Variants in GALNT4 observed in about 807,000 individuals in gnomAD.
GALNT4 encodes the protein UDP-GalNAc:polypeptide N-acetylgalactosaminyltransferase 4.
In GALNT4, 23 loss-of-function variants were observed where a neutral mutation model predicts 45.1. The ratio of observed to expected loss-of-function variants is 0.51; its 90% CI spans 0.37 to 0.72. GALNT4 has a LOEUF of 0.72. GALNT4 is among the 30% of genes least tolerant of loss of function. The pLI, the probability that GALNT4 is intolerant of heterozygous loss-of-function variation, is 0.00. For missense variants in GALNT4, 757 were observed against 709.0 expected, an observed-to-expected ratio of 1.07 and a Z score of -0.77; for synonymous variants, 264 against 257.6, an observed-to-expected ratio of 1.02 and a Z score of -0.24.
rs1336719275 is a variant in GALNT4 at position 89,522,965 on chromosome 12, T to C, written c.1585A>G (p.Ile529Val). 1.4e-5 allele frequency: 23 copies of C among 1,613,964 alleles called. No individual in the cohort carries two copies. Among genetic ancestry groups the C allele is most frequent in the Non-Finnish European group, 1.9e-5 (23 of 1,179,920 alleles). ...PKDGFPVPAN[I>V]IWHFKEDGTI... ...CCATCTTCTTTAAAATGCCAAATAA[T>C]GTTTGCTGGTACAGGGAACCCATCT... The change falls in exon 1 of 1, where the codon ATT becomes GTT. Residue 529 changes from isoleucine to valine, a missense_variant. Physicochemically the swap from Ile to Val is conservative, Grantham distance 29 (BLOSUM62 3). Transcript: ENST00000529983.
At position 89,524,600 on chromosome 12, in the gene GALNT4, G is replaced by A; in HGVS notation, c.-51C>T. 3.1e-6 allele frequency: 5 copies of A among 1,591,338 alleles called. No homozygotes were observed. The highest frequency in any genetic ancestry group is 4.3e-6 in the Non-Finnish European group (5 of 1,166,380). ...ACGCGGCCACCAAGCCACCACGCAG[G>A]GGAAGGGCGGCGGAACCCACAGCTC... On this transcript the variant is annotated 5_prime_UTR_variant, in exon 1 of 1. Coordinates refer to ENST00000529983, the MANE Select transcript of GALNT4 (RefSeq NM_003774.5).
At position 89,524,740 on chromosome 12, in the gene GALNT4, A is replaced by T; in HGVS notation, c.-191T>A. ...CCTCTCGGTCCTCGGCCTCCGGCAC[A>T]GCCCAACTCCTCTCTCCCTACTTCC... On this transcript the variant is annotated 5_prime_UTR_variant, in exon 1 of 1. Transcript: ENST00000529983. 1.5e-6 allele frequency: 1 copy of T among 653,700 alleles called. No individual in the cohort carries two copies. The highest frequency in any genetic ancestry group is 2.7e-5 in the East Asian group (1 of 36,698). The allele number at this position is 653,700 out of a possible 1,614,324, so 40.5% of individuals were successfully genotyped here.
At position 89,521,108 on chromosome 12, in the gene GALNT4, TA is replaced by T. The variant is rs1403219062; in HGVS notation, c.*1704del. On this transcript the variant is annotated 3_prime_UTR_variant, in exon 1 of 1. Coordinates refer to ENST00000529983, the MANE Select transcript of GALNT4 (RefSeq NM_003774.5). ...GAGTTCAGCTCACTTATTTTATTATTATTTTTTTTTTTTGAGACAGAGTCTT... is the reference window on the plus strand; with the variant it reads ...GAGTTCAGCTCACTTATTTTATTATTTTTTTTTTTTTTGAGACAGAGTCTT... 49 of 134,634 alleles carry T rather than the reference TA, an allele frequency of 3.6e-4. 3 individuals carry two copies. The highest frequency in any genetic ancestry group is 4.4e-4 in the Admixed American group (6 of 13,694). 8.3% of individuals were successfully genotyped at this position (134,634 alleles called of 1,614,324 possible).
Position 89,523,662 on chromosome 12 carries a change from C to A in GALNT4, c.888G>T (p.Arg296Ser), listed in dbSNP as rs1269593512. Reference protein sequence around the residue: ...WHSVPKQERDRRISRIDPIRS... With the variant: ...WHSVPKQERDSRISRIDPIRS... ...TGATGGGGTCAATTCTTGATATCCGCCTGTCCCTTTCCTGTTTGGGGACAG... is the reference window on the plus strand; with the variant it reads ...TGATGGGGTCAATTCTTGATATCCGACTGTCCCTTTCCTGTTTGGGGACAG... Residue 296 changes from arginine (R) to serine (S), a missense_variant, in exon 1 of 1, where the codon AGG (arginine) becomes AGT (serine). Physicochemically the swap from Arg to Ser is moderately radical, Grantham distance 110 (BLOSUM62 -1). Coordinates refer to ENST00000529983, the MANE Select transcript of GALNT4 (RefSeq NM_003774.5). 5 of 1,538,178 alleles carry A rather than the reference C, an allele frequency of 3.3e-6. No homozygotes were observed. The highest frequency in any genetic ancestry group is 3.5e-6 in the Non-Finnish European group (4 of 1,148,854).
In GALNT4 at chr12:89,524,121, G is replaced by T. The variant is rs776184827; in HGVS notation, c.429C>A (p.Phe143Leu). The T allele has an allele frequency of 1.9e-6, 3 of 1,613,894 alleles. No homozygotes were observed. In the East Asian group the frequency reaches 6.7e-5, roughly 36 times the overall value. The change falls in exon 1 of 1, where the codon TTC (phenylalanine) becomes TTA (leucine). Residue 143 changes from phenylalanine (F) to leucine (L), a missense_variant. Coordinates refer to ENST00000529983, the MANE Select transcript of GALNT4 (RefSeq NM_003774.5). ...GCAAAGTCGACCAGGCTTCGTTATA[G>T]AAAGCAATGATAACAGAGGTGGTAG... ...TLPTTSVIIA[F>L]YNEAWSTLLR...
Position 89,523,796 on chromosome 12 carries a change from C to T in GALNT4, c.754G>A (p.Val252Met). The change falls in exon 1 of 1, where the codon GTG (valine) becomes ATG (methionine). Residue 252 changes from valine to methionine, a missense_variant. Coordinates refer to ENST00000529983, the MANE Select transcript of GALNT4 (RefSeq NM_003774.5). ...ERIGRDETAV[V>M]CPVIDTIDWN... ...TCAATTGTGTCTATAACAGGACACA[C>T]AACTGCTGTTTCATCTCTCCCAATC... The T allele has an allele frequency of 1.3e-6, 2 of 1,535,232 alleles. No homozygotes were observed. The highest frequency in any genetic ancestry group is 2.2e-5 in the Admixed American group (1 of 45,796).
Position 89,523,668 on chromosome 12 carries a change from C to T in GALNT4, c.882G>A (p.Arg294=). The T allele has an allele frequency of 6.5e-7, 1 of 1,538,170 alleles. No individual in the cohort carries two copies. The highest frequency in any genetic ancestry group is 8.7e-7 in the Non-Finnish European group (1 of 1,148,834). The change falls in exon 1 of 1, where the codon AGG becomes AGA. Residue 294 remains arginine, a synonymous_variant. Transcript: ENST00000529983. ...GGTCAATTCTTGATATCCGCCTGTC[C>T]CTTTCCTGTTTGGGGACAGAATGCC... ...FQWHSVPKQE[R]DRRISRIDPI... is the part of the protein sequence containing the mutation.
In GALNT4 at chr12:89,523,433, G is replaced by A; in HGVS notation, c.1117C>T (p.Pro373Ser). The change falls in exon 1 of 1, where the codon CCC (proline) becomes TCC (serine). Residue 373 changes from proline to serine, a missense_variant. Pro to Ser is a moderately conservative substitution (Grantham distance 74). Coordinates refer to ENST00000529983, the MANE Select transcript of GALNT4 (RefSeq NM_003774.5). ...CGAGCAGTATTCTGTAGGAAATTGGGGCGAGCATATGGTGCCCGCTTGGGG... is the reference window on the plus strand; with the variant it reads ...CGAGCAGTATTCTGTAGGAAATTGGAGCGAGCATATGGTGCCCGCTTGGGG... ...VFPKRAPYARPNFLQNTARAA... is the reference protein window; with the variant it reads ...VFPKRAPYARSNFLQNTARAA... 1 of 1,613,996 alleles carries A rather than the reference G, an allele frequency of 6.2e-7. No homozygotes were observed. Among genetic ancestry groups the A allele is most frequent in the Non-Finnish European group, 8.5e-7 (1 of 1,179,920 alleles).
At position 89,520,902 on chromosome 12, in the gene GALNT4, T is replaced by C. The variant is rs915309873; in HGVS notation, c.*1911A>G. ...ATTGGTATAAAACCAGTAAAAATAC[T>C]TTTAAAAAAAGCGTTTACTTCCCGA... is the stretch of plus-strand genomic sequence containing the variant. On this transcript the variant is annotated 3_prime_UTR_variant, in exon 1 of 1. Coordinates refer to ENST00000529983, the MANE Select transcript of GALNT4 (RefSeq NM_003774.5). 3.3e-5 allele frequency: 5 copies of C among 152,182 alleles called. No individual in the cohort carries two copies. Among genetic ancestry groups the C allele is most frequent in the Admixed American group, 6.5e-5 (1 of 15,274 alleles). The allele number at this position is 152,182 out of a possible 1,614,324, so 9.4% of individuals were successfully genotyped here.
At position 89,524,111 on chromosome 12, in the gene GALNT4, C is replaced by T. The variant is rs1169707313; in HGVS notation, c.439G>A (p.Ala147Thr). 3 of 1,613,986 alleles carry T rather than the reference C, an allele frequency of 1.9e-6. No individual in the cohort carries two copies. ...TSVIIAFYNE[A>T]WSTLLRTIHS... ...ATGGTACGGAGCAAAGTCGACCAGG[C>T]TTCGTTATAGAAAGCAATGATAACA... The change falls in exon 1 of 1, where the codon GCC becomes ACC. Residue 147 changes from alanine (A) to threonine (T), a missense_variant. Coordinates refer to ENST00000529983, the MANE Select transcript of GALNT4 (RefSeq NM_003774.5).
At position 89,524,395 on chromosome 12, in the gene GALNT4, A is replaced by T; in HGVS notation, c.155T>A (p.Leu52His). 6.2e-7 allele frequency: 1 copy of T among 1,613,942 alleles called. No individual in the cohort carries two copies. The highest frequency in any genetic ancestry group is 8.5e-7 in the Non-Finnish European group (1 of 1,179,876). ...RELGSRRLSDLQKNTEDLSRP... is the reference protein window; with the variant it reads ...RELGSRRLSDHQKNTEDLSRP... ...AGACAAATCCTCCGTATTTTTCTGGAGGTCTGAGAGCCTTCTTGACCCCAG... is the reference window on the plus strand; with the variant it reads ...AGACAAATCCTCCGTATTTTTCTGGTGGTCTGAGAGCCTTCTTGACCCCAG... Residue 52 changes from leucine (L) to histidine (H), a missense_variant, in exon 1 of 1, where the codon CTC (leucine) becomes CAC (histidine). Transcript: ENST00000529983.
chr12:89,524,341 T>C lies in GALNT4; in HGVS notation c.209A>G (p.Asp70Gly). ...SRPLYKKPPA[D>G]SRALGEWGKA... ...CCCCCACTCCCCAAGTGCACGGGAA[T>C]CTGCAGGGGGCTTCTTATAAAGCGG... Residue 70 changes from aspartate to glycine, a missense_variant, in exon 1 of 1, where the codon GAT (aspartate) becomes GGT (glycine). By Grantham distance (94) the Asp-to-Gly change is moderately conservative. Transcript: ENST00000529983. 6.2e-7 allele frequency: 1 copy of C among 1,614,022 alleles called. No homozygotes were observed. Among genetic ancestry groups the C allele is most frequent in the Admixed American group, 1.7e-5 (1 of 60,028 alleles).
At position 89,523,855 on chromosome 12, in the gene GALNT4, C is replaced by A. The variant is rs1479339804; in HGVS notation, c.695G>T (p.Cys232Phe). ...VLTFLDCHCE[C>F]NSGWLEPLLE... ...AAGCGGTTCCAGCCAACCGGAATTA[C>A]ACTCACAGTGACAATCCAGGAAAGT... The change falls in exon 1 of 1, where the codon TGT becomes TTT. Residue 232 changes from cysteine (C) to phenylalanine (F), a missense_variant. Cys to Phe is a radical substitution (Grantham distance 205, BLOSUM62 -2). Transcript: ENST00000529983. 6.4e-7 allele frequency: 1 copy of A among 1,555,406 alleles called. No homozygotes were observed. The highest frequency in any genetic ancestry group is 8.6e-7 in the Non-Finnish European group (1 of 1,156,260).
At position 89,523,015 on chromosome 12, in the gene GALNT4, TA is replaced by T. The variant is rs1172116403; in HGVS notation, c.1534del (p.Tyr512MetfsTer51). ...TTTGGGACAATTTTGCATTCCCACATAATTTTTTTGCTCAGGTACCTCTGCA... is the reference window on the plus strand; with the variant it reads ...TTTGGGACAATTTTGCATTCCCACATATTTTTTTGCTCAGGTACCTCTGCA... ...LCAEVPEQKN[Y>X]VGMQNCPKDG... is the part of the protein sequence containing the mutation. On this transcript the variant is annotated frameshift_variant, in exon 1 of 1. Coordinates refer to ENST00000529983, the MANE Select transcript of GALNT4 (RefSeq NM_003774.5). LOFTEE classifies it high-confidence loss of function. The T allele has an allele frequency of 4.3e-6, 7 of 1,613,910 alleles. No homozygotes were observed. The highest frequency in any genetic ancestry group is 5.9e-6 in the Non-Finnish European group (7 of 1,179,840).
chr12:89,522,694 T>C lies in GALNT4; in HGVS notation c.*119A>G. The C allele has an allele frequency of 7.5e-7, 1 of 1,332,526 alleles. No homozygotes were observed. The highest frequency in any genetic ancestry group is 1.0e-6 in the Non-Finnish European group (1 of 998,212). 82.5% of individuals were successfully genotyped at this position (1,332,526 alleles called of 1,614,324 possible). A position where few individuals can be genotyped will look rare whatever the true frequency, so the allele number is the denominator to read the frequency against. ...AAAATGAACCCCAGCTTTCCAGTGC[T>C]CCACAGATGACTGCTAGGTGGCTTT... On this transcript the variant is annotated 3_prime_UTR_variant, in exon 1 of 1. Coordinates refer to ENST00000529983, the MANE Select transcript of GALNT4 (RefSeq NM_003774.5).
chr12:89,520,684 T>C lies in GALNT4; in HGVS notation c.*2129A>G, dbSNP rs915214259. The C allele has an allele frequency of 3.3e-5, 5 of 152,302 alleles. No individual in the cohort carries two copies. Among genetic ancestry groups the C allele is most frequent in the African/African-American group, 1.2e-4 (5 of 41,576 alleles). The allele number at this position is 152,302 out of a possible 1,614,324, so 9.4% of individuals were successfully genotyped here. ...ATAGCAATTTTATTTTTTGAAATGG[T>C]TATCCTAAAGAATTTCCTTAAATTC... On this transcript the variant is annotated 3_prime_UTR_variant, in exon 1 of 1. Coordinates refer to ENST00000529983, the MANE Select transcript of GALNT4 (RefSeq NM_003774.5).
rs775343682 is a variant in GALNT4, at chr12:89,523,811, C to T, written c.739G>A (p.Asp247Asn). The change falls in exon 1 of 1, where the codon GAT becomes AAT. Residue 247 changes from aspartate to asparagine, a missense_variant. Coordinates refer to ENST00000529983, the MANE Select transcript of GALNT4 (RefSeq NM_003774.5). ...ACAGGACACACAACTGCTGTTTCAT[C>T]TCTCCCAATCCTTTCCAAAAGCGGT... is the stretch of plus-strand genomic sequence containing the variant. ...LEPLLERIGR[D>N]ETAVVCPVID... The T allele has an allele frequency of 2.0e-6, 3 of 1,534,996 alleles. No homozygotes were observed. Among genetic ancestry groups the T allele is most frequent in the Admixed American group, 4.4e-5 (2 of 45,648 alleles).
rs1315617344 is a variant in GALNT4 at position 89,520,726 on chromosome 12, C to T, written c.*2087G>A. The T allele has an allele frequency of 6.6e-6, 1 of 152,074 alleles. No homozygotes were observed. Among genetic ancestry groups the T allele is most frequent in the Non-Finnish European group, 1.5e-5 (1 of 67,994 alleles). The allele number at this position is 152,074 out of a possible 1,614,324, so 9.4% of individuals were successfully genotyped here. ...CTTAAATTCAGATTTTGCAAAATTC[C>T]TACTCTCCAAGTCATCAAGTGAACA... On this transcript the variant is annotated 3_prime_UTR_variant, in exon 1 of 1. Transcript: ENST00000529983.
rs374048689 is a variant in GALNT4, at chr12:89,522,938, T to C, written c.1612A>G (p.Thr538Ala). The C allele has an allele frequency of 2.5e-6, 4 of 1,613,910 alleles. No individual in the cohort carries two copies. The African/African-American group carries it at 4.0e-5, about 16-fold the overall frequency. Residue 538 changes from threonine to alanine, a missense_variant, in exon 1 of 1, where the codon ACT (threonine) becomes GCT (alanine). By Grantham distance (58) the Thr-to-Ala change is moderately conservative (BLOSUM62 0). Coordinates refer to ENST00000529983, the MANE Select transcript of GALNT4 (RefSeq NM_003774.5). ...AGTCCTGAGTGTGGGTGAAAAATAG[T>C]TCCATCTTCTTTAAAATGCCAAATA... The part of the protein sequence containing the change: ...NIIWHFKEDG[T>A]IFHPHSGLCL...
Sources: gnomAD v4.1 joint callset for allele counts on GRCh38, gnomAD v4.1.1 for gene constraint, MANE v1.5 for transcripts, NCBI Gene and HGNC (gene_info 2026-07-23, HGNC 2026-07-21) for gene names.